Variants in RAD50 observed in about 807,000 individuals in gnomAD.
The protein encoded by RAD50 is RAD50 double strand break repair protein, also known as DNA repair protein RAD50.
A neutral mutation model predicts 168.8 loss-of-function variants in RAD50; 132 were observed. The ratio of observed to expected loss-of-function variants is 0.78; its 90% confidence interval spans 0.68 to 0.90. RAD50 has a LOEUF of 0.90. RAD50 is among the 40% of genes least tolerant of loss of function. RAD50 has a pLI of 0.00. For synonymous variants in RAD50, 525 were observed against 497.4 expected (o/e 1.06, Z -0.74); for missense variants, 1,347 against 1,534.4 (o/e 0.88, Z 2.04).
intron 2 of RAD50, among the ~76,000 whole-genome samples, chr5:132,560,803 A>G (rs756822673): frequency 5.9e-5 from 9 of 152,164 alleles, no homozygotes; most frequent in Non-Finnish European, 4.4e-5. Flanking sequence ...ATGCTCTGGT[A>G]TCTCTAGTCT....
At chr5:132,580,788 C>G (rs1750490379) in intron 5 of RAD50, among the ~76,000 whole-genome samples, 2 of 152,118 alleles carry the variant, frequency 1.3e-5, no homozygotes, top group African/African-American at 4.8e-5. Context: ...ACTACAACTG[C>G]ACCCCTGTCC....
At chr5:132,623,392 G>A (rs1581012285) in intron 21 of RAD50, among the ~76,000 whole-genome samples, 2 of 152,320 alleles carry the variant, frequency 1.3e-5, no homozygotes, top group East Asian at 3.9e-4. Context: ...TGAGGCAGGA[G>A]AATCGCTTGA....
intron 2 of RAD50, among the ~76,000 whole-genome samples, chr5:132,569,797 C>A (rs1042227856): frequency 6.6e-6 from 1 of 151,998 alleles, no homozygotes; most frequent in Non-Finnish European, 1.5e-5. Flanking sequence ...TGTGACTACA[C>A]CAGAATCAGT....
chr5:132,589,970 T>G, intron 9 of RAD50, 133 bp downstream of exon 9: 1 of 846,166 alleles, frequency 1.2e-6, no homozygotes. Flanking sequence ...GTAAAATGAA[T>G]TCATCTGAAT....
chr5:132,641,406 G>T (rs1221763373), intron 24 of RAD50, among the ~76,000 whole-genome samples: 2 of 152,160 alleles, frequency 1.3e-5, no homozygotes, highest in Non-Finnish European at 2.9e-5. Flanking sequence ...GAGGTCAAAG[G>T]AGGTGTTTCA....
At chr5:132,578,524 CTTTTTTTTTTTTT>C (rs903882684) in intron 3 of RAD50, among the ~76,000 whole-genome samples, 3 of 84,342 alleles carry the variant, frequency 3.6e-5, no homozygotes, top group African/African-American at 5.0e-5. Flanking sequence ...TTTTTTCTTT[CTTTTTTTTTTTTT>C]TTTTTTTTTT....
intron 5 of RAD50, among the ~76,000 whole-genome samples, chr5:132,585,149 A>G (rs553097034): frequency 3.3e-5 from 5 of 152,320 alleles, no homozygotes; most frequent in African/African-American, 1.2e-4. Context: ...TAAAACTGCT[A>G]TAAACTTCTG....
chr5:132,569,113 A>G (rs950485154), intron 2 of RAD50, among the ~76,000 whole-genome samples: 3 of 152,216 alleles, frequency 2.0e-5, no homozygotes. Flanking sequence ...AGAAAAATCA[A>G]TCATATGAAC....
chr5:132,638,298 A>G (rs752023871), intron 23 of RAD50, 75 bp downstream of exon 23: 1 of 1,549,850 alleles, frequency 6.5e-7, no homozygotes, highest in Non-Finnish European at 8.9e-7. Context: ...AGTGCAGTGG[A>G]AGCACCCAAG....
chr5:132,591,444 T>C, intron 10 of RAD50, 38 bp downstream of exon 10: 2 of 1,574,998 alleles, frequency 1.3e-6, no homozygotes, highest in Non-Finnish European at 1.7e-6. Context: ...TACTGTCTGG[T>C]ACTTAAAATA....
chr5:132,583,828 G>A (rs1561637540), intron 5 of RAD50, among the ~76,000 whole-genome samples: 1 of 151,524 alleles, frequency 6.6e-6, no homozygotes, highest in Non-Finnish European at 1.5e-5. Context: ...CAAGTAGCTG[G>A]GATTACAGGC....
chr5:132,630,098 A>G (rs886416237), intron 21 of RAD50, among the ~76,000 whole-genome samples: 3 of 149,418 alleles, frequency 2.0e-5, no homozygotes, highest in African/African-American at 7.5e-5. Context: ...GCTGGACTCC[A>G]ATGGTGCGAT....
intron 22 of RAD50, 150 bp from the exon 23 acceptor site, chr5:132,637,931 C>A: frequency 1.1e-6 from 1 of 894,326 alleles, no homozygotes; most frequent in Non-Finnish European, 1.7e-6. Context: ...TTGAATCCTC[C>A]CAGCCAGAGA....
chr5:132,565,979 T>G (rs1386245003), intron 2 of RAD50, among the ~76,000 whole-genome samples: 1 of 152,218 alleles, frequency 6.6e-6, no homozygotes, highest in Admixed American at 6.5e-5. Flanking sequence ...GCCTTAACCT[T>G]CAGCTGGCAT....
At chr5:132,591,137 G>T in intron 9 of RAD50, 87 bp from the exon 10 acceptor site, 1 of 1,304,790 alleles carries the variant, frequency 7.7e-7, no homozygotes, top group South Asian at 1.2e-5. Flanking sequence ...ATTCTGAGGA[G>T]TAGTTAATTT....
rs1751047641 is a variant in RAD50 at position 132,609,453 on chromosome 5, T to C, written c.3036+57T>C. ...ACCTATGACATTCTTTTCTATAGTTTTATTTTCAATAGAAGATCCATTGAA... is the reference window on the plus strand; with the variant it reads ...ACCTATGACATTCTTTTCTATAGTTCTATTTTCAATAGAAGATCCATTGAA... On this transcript the variant is annotated intron_variant, in intron 19 of 24. Transcript: ENST00000378823. The C allele has an allele frequency of 6.3e-6, 10 of 1,593,940 alleles. No individual in the cohort carries two copies. The East Asian group carries it at 2.3e-4, about 36-fold the overall frequency.
rs751531030 is a variant in RAD50, at chr5:132,604,845, A to C, written c.2564A>C (p.Asp855Ala). The C allele has an allele frequency of 1.2e-6, 2 of 1,613,380 alleles. No individual in the cohort carries two copies. The highest frequency in any genetic ancestry group is 3.3e-5 in the Admixed American group (2 of 59,986). Residue 855 changes from aspartate to alanine, a missense_variant, in exon 16 of 25, where the codon GAC becomes GCC. Asp to Ala is a moderately radical substitution (Grantham distance 126). This residue lies in a region of RAD50 where 635 missense variants were observed against 739.2 expected (regional missense o/e 0.86). Transcript: ENST00000378823. ...GAATTGAATCGTAAGCTTATACAGG[A>C]CCAGCAGGAACAGATTCAACATCTA... The part of the protein sequence containing the change: ...KIELNRKLIQ[D>A]QQEQIQHLKS...
At chr5:132,634,902 GA>G (rs1194371640) in intron 21 of RAD50, among the ~76,000 whole-genome samples, 1 of 152,076 alleles carries the variant, frequency 6.6e-6, no homozygotes, top group African/African-American at 2.4e-5. Context: ...ACTTGGTCAT[GA>G]TATATTCTTT....
intron 2 of RAD50, among the ~76,000 whole-genome samples, chr5:132,575,269 G>A (rs946713790): frequency 6.6e-6 from 1 of 152,326 alleles, no homozygotes; most frequent in East Asian, 1.9e-4. Context: ...ACAGCAACAG[G>A]CAAAGAGAGC....
Sources: allele counts gnomAD v4.1 joint callset (sites outside exome capture counted in the v4.1 genomes callset), GRCh38; gene constraint gnomAD v4.1.1; regional missense constraint gnomAD v4.1.1; transcripts MANE v1.5; gene names NCBI Gene and HGNC (gene_info 2026-07-23, HGNC 2026-07-21).